The following REN variants were observed in gnomAD, a reference collection of about 807,000 sequenced individuals.
REN encodes renin.
Under a neutral mutation model 48.6 loss-of-function variants are expected in REN, and 42 were observed. The ratio of observed to expected loss-of-function variants is 0.86; its 90% CI spans 0.68 to 1.12. The LOEUF (loss-of-function observed/expected upper bound fraction) is 1.12, where lower values mean the gene tolerates loss of function less well. Ranked by LOEUF, REN falls within the 50% of genes most tolerant of loss-of-function variation. The pLI, the probability that REN is intolerant of heterozygous loss-of-function variation, is 0.00. For missense variants in REN, 443 were observed against 527.3 expected, an observed-to-expected ratio of 0.84 and a Z score of 1.57; for synonymous variants, 196 against 204.6, an observed-to-expected ratio of 0.96 and a Z score of 0.36.
intron 4 of REN, among the ~76,000 whole-genome samples, chr1:204,160,094 C>T (rs1340689312): frequency 6.6e-6 from 1 of 152,152 alleles, no homozygotes; most frequent in African/African-American, 2.4e-5. Flanking sequence ...TGAGAAACTC[C>T]AGGATGAGGA....
chr1:204,156,440 G>T lies in REN; in HGVS notation c.819-121C>A. 1 of 1,438,138 alleles carries T rather than the reference G, an allele frequency of 7.0e-7. No individual in the cohort carries two copies. Among genetic ancestry groups the T allele is most frequent in the Non-Finnish European group, 9.5e-7 (1 of 1,050,552 alleles). The allele number at this position is 1,438,138 out of a possible 1,614,324, so 89.1% of individuals were successfully genotyped here. The stretch of plus-strand genomic sequence containing the variant: ...TGGGTGGAGGCCACGCTGGTGGCCT[G>T]TTGAGGCAGTGAGTAGAGGAGGGAA... On this transcript the variant is annotated intron_variant, in intron 7 of 9. Transcript: ENST00000272190. The surrounding 1 kb of genome is among the most constrained non-coding windows in gnomAD (Gnocchi z 4.2).
chr1:204,163,960 G>T (rs980233223), intron 1 of REN, among the ~76,000 whole-genome samples: 2 of 152,160 alleles, frequency 1.3e-5, no homozygotes, highest in Non-Finnish European at 1.5e-5. Flanking sequence ...GTAAATTGTA[G>T]GTGTGTATAT....
At position 204,156,548 on chromosome 1, in the gene REN, G is replaced by T. The variant is rs1475939253; in HGVS notation, c.818+129C>A. The T allele has an allele frequency of 5.6e-6, 8 of 1,420,894 alleles. No homozygotes were observed. Among genetic ancestry groups the T allele is most frequent in the Non-Finnish European group, 7.9e-6 (8 of 1,013,360 alleles). 88.0% of individuals were successfully genotyped at this position (1,420,894 alleles called of 1,614,324 possible). On this transcript the variant is annotated intron_variant, in intron 7 of 9. Coordinates refer to ENST00000272190, the MANE Select transcript of REN (RefSeq NM_000537.4). This position sits in a 1 kb window ranked among gnomAD's most constrained non-coding sequence, Gnocchi z 4.2. Reference sequence around the variant, plus strand: ...TGGACAGAGCAGGCAGAGAGCAAATGGTGGCTGTGCTTAAGAAGTGGCTGC... The same window carrying T: ...TGGACAGAGCAGGCAGAGAGCAAATTGTGGCTGTGCTTAAGAAGTGGCTGC...
chr1:204,161,419 TGG>T lies in REN; in HGVS notation c.250-6_250-5del, dbSNP rs753208207. On this transcript the variant is annotated splice_polypyrimidine_tract_variant and splice_region_variant and intron_variant, in intron 2 of 9. Coordinates refer to ENST00000272190, the MANE Select transcript of REN (RefSeq NM_000537.4). ...CAATCTCGCCATAGTACTGGGTCTG[TGG>T]GGGTAAAAAGAGAGGGCTGGAGGGG... The T allele has an allele frequency of 1.9e-6, 3 of 1,545,706 alleles. No individual in the cohort carries two copies. In the Admixed American group the frequency reaches 5.6e-5, roughly 29 times the overall value.
At chr1:204,160,805 G>A in intron 3 of REN, 127 bp from the exon 4 acceptor site, 1 of 783,110 alleles carries the variant, frequency 1.3e-6, no homozygotes, top group South Asian at 1.4e-5. Context: ...GGGTCAGGGG[G>A]CTTGGAATAT....
rs1658156915 is a variant in REN, at chr1:204,156,705, T to C, written c.790A>G (p.Thr264Ala). ...GNFHYINLIK[T>A]GVWQIQMKGV... Reference sequence around the variant, plus strand: ...TTCATTTGAATCTGCCAGACACCAGTCTTGATGAGGTTGATATAGTGGAAA... The same window carrying C: ...TTCATTTGAATCTGCCAGACACCAGCCTTGATGAGGTTGATATAGTGGAAA... The change falls in exon 7 of 10, where the codon ACT becomes GCT. Residue 264 changes from threonine (T) to alanine (A), a missense_variant. Transcript: ENST00000272190. The surrounding 1 kb of genome is among the most constrained non-coding windows in gnomAD (Gnocchi z 4.2). 30 of 1,613,868 alleles carry C rather than the reference T, an allele frequency of 1.9e-5. No homozygotes were observed. Among genetic ancestry groups the C allele is most frequent in the Non-Finnish European group, 2.5e-5 (30 of 1,179,966 alleles).
Position 204,156,109 on chromosome 1 carries a change from G to A in REN, c.960+69C>T. The A allele has an allele frequency of 6.2e-7, 1 of 1,607,516 alleles. No homozygotes were observed. The highest frequency in any genetic ancestry group is 8.5e-7 in the Non-Finnish European group (1 of 1,174,944). On this transcript the variant is annotated intron_variant, in intron 8 of 9. Coordinates refer to ENST00000272190, the MANE Select transcript of REN (RefSeq NM_000537.4). The surrounding 1 kb of genome is among the most constrained non-coding windows in gnomAD (Gnocchi z 4.2). The stretch of plus-strand genomic sequence containing the variant: ...GGCCTGAGATGGCCTCATTTGCCTG[G>A]GGGATTTGTGAGCCGATACCAGGTG...
intron 5 of REN, among the ~76,000 whole-genome samples, chr1:204,158,498 G>A (rs1392745043): frequency 7.0e-6 from 1 of 143,110 alleles, no homozygotes; most frequent in Non-Finnish European, 1.5e-5. Flanking sequence ...GCTCACTGAA[G>A]CCTTAACTCC....
intron 5 of REN, among the ~76,000 whole-genome samples, chr1:204,158,936 G>T (rs1350996503): frequency 6.6e-6 from 1 of 152,178 alleles, no homozygotes; most frequent in East Asian, 1.9e-4. Flanking sequence ...ACGAATGAAG[G>T]ATCTAATGGA....
rs1251376382 is a variant in REN, at chr1:204,162,259, A to G, written c.99-96T>C. ...CCAAACCCCTGCTTTTAGTACAACC[A>G]CCTTTAACGTTAGCCCAGCCACCTG... On this transcript the variant is annotated intron_variant, in intron 1 of 9. Coordinates refer to ENST00000272190, the MANE Select transcript of REN (RefSeq NM_000537.4). The G allele has an allele frequency of 2.9e-6, 4 of 1,368,702 alleles. 1 individual carries two copies. In the East Asian group the frequency reaches 9.6e-5, roughly 33 times the overall value. The allele number at this position is 1,368,702 out of a possible 1,614,324, so 84.8% of individuals were successfully genotyped here.
At chr1:204,159,677 T>C (rs1658209420) in intron 4 of REN, 82 bp from the exon 5 acceptor site, 1 of 1,200,762 alleles carries the variant, frequency 8.3e-7, no homozygotes, top group Admixed American at 1.7e-5. Context: ...ACACTAGGGA[T>C]CCCAGGGGCA....
Position 204,156,123 on chromosome 1 carries a change from C to T in REN, c.960+55G>A, listed in dbSNP as rs777006607. 3.1e-6 allele frequency: 5 copies of T among 1,612,046 alleles called. No individual in the cohort carries two copies. Among genetic ancestry groups the T allele is most frequent in the African/African-American group, 1.3e-5 (1 of 74,874 alleles). ...TCATTTGCCTGGGGGATTTGTGAGC[C>T]GATACCAGGTGGCGCTCCCCCCACC... On this transcript the variant is annotated intron_variant, in intron 8 of 9. Transcript: ENST00000272190. The surrounding 1 kb of genome is among the most constrained non-coding windows in gnomAD (Gnocchi z 4.2).
Position 204,160,544 on chromosome 1 carries a change from G to A in REN, c.492+16C>T. The A allele has an allele frequency of 1.3e-6, 2 of 1,574,010 alleles. No homozygotes were observed. Among genetic ancestry groups the A allele is most frequent in the Non-Finnish European group, 1.7e-6 (2 of 1,143,384 alleles). The stretch of plus-strand genomic sequence containing the variant: ...GAAGGGGTCCGGGGCAGATGACCTA[G>A]GGCGGCCCAACTTACGGTGATGATG... On this transcript the variant is annotated intron_variant, in intron 4 of 9. Transcript: ENST00000272190.
intron 6 of REN, 39 bp downstream of exon 6, chr1:204,157,322 C>T (rs1658167831): frequency 6.2e-7 from 1 of 1,614,058 alleles, no homozygotes; most frequent in East Asian, 2.2e-5. Context: ...TCGGGGAGTA[C>T]TGGAAGGTCA....
rs1158431904 is a variant in REN, at chr1:204,161,896, T to C, written c.249+117A>G. 3 of 1,314,530 alleles carry C rather than the reference T, an allele frequency of 2.3e-6. No homozygotes were observed. In the African/African-American group the frequency reaches 4.4e-5, roughly 19 times the overall value. 81.4% of individuals were successfully genotyped at this position (1,314,530 alleles called of 1,614,324 possible). ...GGAATTTTCTAGGGTGCTCACGTGC[T>C]ACTCAGCGCCTTCGTCAAACACAGC... On this transcript the variant is annotated intron_variant, in intron 2 of 9. Transcript: ENST00000272190.
chr1:204,160,567 A>G lies in REN; in HGVS notation c.485T>C (p.Ile162Thr), dbSNP rs749571526. The part of the protein sequence containing the change: ...GTVSGFLSQD[I>T]ITVGGITVTQ... Reference sequence around the variant, plus strand: ...TAGGGCGGCCCAACTTACGGTGATGATGTCCTGGCTGAGAAAGCCACTGAC... The same window carrying G: ...TAGGGCGGCCCAACTTACGGTGATGGTGTCCTGGCTGAGAAAGCCACTGAC... The change falls in exon 4 of 10, where the codon ATC becomes ACC. Residue 162 changes from isoleucine to threonine, a missense_variant. Ile to Thr is a moderately conservative substitution (Grantham distance 89, BLOSUM62 -1). Transcript: ENST00000272190. 6.2e-7 allele frequency: 1 copy of G among 1,612,398 alleles called. No homozygotes were observed. The highest frequency in any genetic ancestry group is 8.5e-7 in the Non-Finnish European group (1 of 1,178,338).
chr1:204,158,593 C>G (rs1658191237), intron 5 of REN, among the ~76,000 whole-genome samples: 1 of 152,038 alleles, frequency 6.6e-6, no homozygotes, highest in African/African-American at 2.4e-5. Context: ...CTTTTGCCTC[C>G]AGCTCTCTTG....
intron 3 of REN, 63 bp downstream of exon 3, chr1:204,161,228 AG>A (rs1277365453): frequency 5.3e-6 from 8 of 1,506,246 alleles, no homozygotes; most frequent in Admixed American, 2.2e-5. Context: ...GGTGTTGGGC[AG>A]GATTGCTCAT....
chr1:204,156,224 A>G lies in REN; in HGVS notation c.914T>C (p.Ile305Thr), dbSNP rs1450384138. The change falls in exon 8 of 10, where the codon ATA becomes ACA. Residue 305 changes from isoleucine to threonine, a missense_variant. Ile to Thr is a moderately conservative substitution (Grantham distance 89, BLOSUM62 -1). Transcript: ENST00000272190. This position sits in a 1 kb window ranked among gnomAD's most constrained non-coding sequence, Gnocchi z 4.2. ...TCCCAAGGCCTCCATGAGCTTCTCT[A>G]TGGAGCTGGTAGAACCTGAGATGTA... ...ASYISGSTSS[I>T]EKLMEALGAK... is the part of the protein sequence containing the mutation. 4.3e-6 allele frequency: 7 copies of G among 1,614,090 alleles called. No homozygotes were observed. The Admixed American group carries it at 8.3e-5, about 19-fold the overall frequency.
Sources: allele counts gnomAD v4.1 joint callset (sites outside exome capture counted in the v4.1 genomes callset), GRCh38; gene constraint gnomAD v4.1.1; non-coding constraint Gnocchi (gnomAD v3.1); transcripts MANE v1.5; gene names NCBI Gene and HGNC (gene_info 2026-07-23, HGNC 2026-07-21).